The following NELL2 variants were observed in gnomAD, a reference collection of about 807,000 sequenced individuals.
NELL2 encodes neural EGFL like 2.
In NELL2, 41 loss-of-function variants were observed where a neutral mutation model predicts 109.6. That is an observed-to-expected ratio of 0.37 (90% CI 0.29 to 0.49). The LOEUF (loss-of-function observed/expected upper bound fraction) is 0.49. Among genes scored for constraint, NELL2 ranks in the 20% least tolerant of loss-of-function variants. NELL2 has a pLI of 0.98. For missense variants in NELL2, 900 were observed against 1,008.3 expected (o/e 0.89, Z 1.45); for synonymous variants, 355 against 344.7 (o/e 1.03, Z -0.33).
At chr12:44,788,123 G>A (rs77958937) in intron 3 of NELL2, among the ~76,000 whole-genome samples, 10,725 of 152,142 alleles carry the variant, frequency 0.07, 558 homozygotes, top group Non-Finnish European at 0.11. Flanking sequence ...AAAAAAGAAC[G>A]TGGGGAGAAT....
At chr12:44,720,851 T>A (rs1161341793) in intron 9 of NELL2, among the ~76,000 whole-genome samples, 1 of 152,198 alleles carries the variant, frequency 6.6e-6, no homozygotes, top group Non-Finnish European at 1.5e-5. Context: ...CTGTTTTATA[T>A]ACACCATGTC....
chr12:44,631,981 A>C (rs1210570678), intron 13 of NELL2, among the ~76,000 whole-genome samples: 5 of 152,130 alleles, frequency 3.3e-5, no homozygotes. Context: ...CATCCTATCT[A>C]AGTGGAGTTT....
At chr12:44,511,097 ATG>A (rs1473526590) in intron 19 of NELL2, among the ~76,000 whole-genome samples, 1 of 152,170 alleles carries the variant, frequency 6.6e-6, no homozygotes, top group African/African-American at 2.4e-5. Context: ...ACCCATAAGT[ATG>A]TCTTAGGAAG....
Position 44,522,192 on chromosome 12 carries a change from A to G in NELL2, c.1999-16T>C. 6.2e-7 allele frequency: 1 copy of G among 1,609,138 alleles called. No homozygotes were observed. The highest frequency in any genetic ancestry group is 8.5e-7 in the Non-Finnish European group (1 of 1,177,744). ...CGAATCCATTCTGTATGAAAAAGAA[A>G]AAAAGCAGTTACCAAAAACCTCCAT... On this transcript the variant is annotated splice_polypyrimidine_tract_variant and intron_variant, in intron 17 of 19. Transcript: ENST00000429094.
intron 19 of NELL2, among the ~76,000 whole-genome samples, chr12:44,518,951 A>G (rs1941402822): frequency 6.6e-6 from 1 of 152,238 alleles, no homozygotes; most frequent in African/African-American, 2.4e-5. Flanking sequence ...TGATTGACAA[A>G]TTGCATTGAT....
chr12:44,613,933 A>G (rs1024244530), intron 13 of NELL2, among the ~76,000 whole-genome samples: 1 of 152,040 alleles, frequency 6.6e-6, no homozygotes, highest in African/African-American at 2.4e-5. Context: ...ACTTCCTCCA[A>G]TACTTCCAAT....
intron 9 of NELL2, 120 bp from the exon 10 acceptor site, chr12:44,714,861 C>A (rs1938404183): frequency 4.0e-6 from 2 of 495,432 alleles, no homozygotes; most frequent in East Asian, 3.5e-5. Context: ...GTATGACTAA[C>A]CAGAAACCTC....
At position 44,875,891 on chromosome 12, in the gene NELL2, T is replaced by G; in HGVS notation, c.-22A>C. On this transcript the variant is annotated 5_prime_UTR_variant, in exon 1 of 20. The change abolishes an upstream ATG in the 5' untranslated region. Transcript: ENST00000429094. ...CCATGGTGCGGATCAGCTCAGTCCA[T>G]CGTCTCCCTCTTTAAAAATAAAAAT... is the stretch of plus-strand genomic sequence containing the variant. 6 of 1,613,878 alleles carry G rather than the reference T, an allele frequency of 3.7e-6. No individual in the cohort carries two copies. Among genetic ancestry groups the G allele is most frequent in the Non-Finnish European group, 5.1e-6 (6 of 1,180,024 alleles).
chr12:44,687,039 A>G (rs1194402812), intron 12 of NELL2, among the ~76,000 whole-genome samples: 1 of 152,132 alleles, frequency 6.6e-6, no homozygotes, highest in Non-Finnish European at 1.5e-5. Context: ...TCAGACTGCT[A>G]TGCTAGCAAT....
At chr12:44,746,776 G>A (rs1373020820) in intron 9 of NELL2, among the ~76,000 whole-genome samples, 10 of 152,082 alleles carry the variant, frequency 6.6e-5, no homozygotes, top group South Asian at 2.1e-4. Context: ...TTAGAATGGC[G>A]ATCATTAAAA....
At chr12:44,679,110 C>G (rs1374103237) in intron 12 of NELL2, among the ~76,000 whole-genome samples, 1 of 152,036 alleles carries the variant, frequency 6.6e-6, no homozygotes, top group Non-Finnish European at 1.5e-5. Context: ...CAAATTTCCT[C>G]TGAAGACAGG....
intron 2 of NELL2, among the ~76,000 whole-genome samples, chr12:44,825,342 A>C (rs1943675071): frequency 7.0e-6 from 1 of 142,798 alleles, no homozygotes; most frequent in Admixed American, 6.9e-5. Context: ...TTTAATTTAC[A>C]CCTACGTATT....
chr12:44,798,683 A>G (rs1403497207), intron 3 of NELL2, among the ~76,000 whole-genome samples: 2 of 152,164 alleles, frequency 1.3e-5, no homozygotes, highest in African/African-American at 2.4e-5. Flanking sequence ...TCTTGAAAAA[A>G]GCAAAATTTG....
chr12:44,917,086 C>T (rs1194579101), upstream of NELL2, among the ~76,000 whole-genome samples: 1 of 152,156 alleles, frequency 6.6e-6, no homozygotes, highest in Non-Finnish European at 1.5e-5. Flanking sequence ...CTGATTGGAG[C>T]ATCCCTGAGA....
chr12:44,753,858 G>GT (rs34714730), intron 9 of NELL2, among the ~76,000 whole-genome samples: 104,715 of 151,956 alleles, frequency 0.69, 36,414 homozygotes, highest in Non-Finnish European at 0.74. Flanking sequence ...TGTAAGGAAT[G>GT]TTTTGTTAAA....
At chr12:44,644,206 A>G (rs1421496359) in intron 13 of NELL2, among the ~76,000 whole-genome samples, 1 of 152,124 alleles carries the variant, frequency 6.6e-6, no homozygotes, top group Non-Finnish European at 1.5e-5. Context: ...CAGCAGAAGA[A>G]AAAAATACAG....
chr12:44,654,489 C>A (rs1331574910), intron 13 of NELL2, among the ~76,000 whole-genome samples: 2 of 152,174 alleles, frequency 1.3e-5, no homozygotes, highest in East Asian at 3.9e-4. Context: ...TAATCCCCTT[C>A]GGTTTAGTGT....
chr12:44,815,289 T>C (rs767939718), intron 3 of NELL2, among the ~76,000 whole-genome samples: 2 of 152,220 alleles, frequency 1.3e-5, no homozygotes, highest in Non-Finnish European at 2.9e-5. Flanking sequence ...AGAAGACAGC[T>C]GTCACTGCTG....
At chr12:44,742,404 T>C (rs905301811) in intron 9 of NELL2, among the ~76,000 whole-genome samples, 1 of 152,092 alleles carries the variant, frequency 6.6e-6, no homozygotes, top group African/African-American at 2.4e-5. Context: ...AGAGCACCTC[T>C]CCTCCTCCAA....
Sources: gnomAD v4.1 joint callset for allele counts (sites outside exome capture counted in the v4.1 genomes callset) on GRCh38, gnomAD v4.1.1 for gene constraint, MANE v1.5 for transcripts, NCBI Gene and HGNC (gene_info 2026-07-23, HGNC 2026-07-21) for gene names.